RELN: variants seen among roughly 807,000 people sequenced by gnomAD.
RELN encodes the protein reelin.
In RELN, 108 loss-of-function variants were observed where a neutral mutation model predicts 427.6. That is an observed-to-expected ratio of 0.25 (90% confidence interval 0.22 to 0.30). The LOEUF (loss-of-function observed/expected upper bound fraction) is 0.30. Among genes scored for constraint, RELN ranks in the 10% least tolerant of loss-of-function variants. The pLI, the probability that RELN is intolerant of heterozygous loss-of-function variation, is 1.00. For synonymous variants in RELN, 1,524 were observed against 1,513.4 expected (o/e 1.01, Z -0.16); for missense variants, 3,715 against 4,302.8 (o/e 0.86, Z 3.82).
intron 2 of RELN, among the ~76,000 whole-genome samples, chr7:103,876,227 C>T (rs13241576): frequency 0.14 from 21,852 of 151,996 alleles, 1,887 homozygotes; most frequent in East Asian, 0.34. Flanking sequence ...TAAGATGAAA[C>T]GTTAGAATGT....
intron 1 of RELN, among the ~76,000 whole-genome samples, chr7:103,957,577 T>TGC (rs1311075122): frequency 6.6e-6 from 1 of 152,172 alleles, no homozygotes; most frequent in Non-Finnish European, 1.5e-5. Context: ...CACACGCACA[T>TGC]GCTCATAAAT....
At chr7:103,721,949 A>G (rs1790086589) in intron 8 of RELN, among the ~76,000 whole-genome samples, 1 of 152,192 alleles carries the variant, frequency 6.6e-6, no homozygotes, top group Non-Finnish European at 1.5e-5. Flanking sequence ...TGATTATAAA[A>G]ACATTACGTG....
chr7:103,896,703 C>T (rs1452696610), intron 2 of RELN, among the ~76,000 whole-genome samples: 1 of 151,930 alleles, frequency 6.6e-6, no homozygotes, highest in Non-Finnish European at 1.5e-5. Flanking sequence ...TAAATCTCAC[C>T]TCATATATCC....
rs1044685569 is a variant in RELN at position 103,473,955 on chromosome 7, G to A, written c.10287-1047C>T. ...TAAAATGTACATAATGTCATGTGAT[G>A]TGATTCCAACATAAAGATCAATATG... is the stretch of plus-strand genomic sequence containing the variant. On this transcript the variant is annotated intron_variant, in intron 64 of 64. Transcript: ENST00000428762. Among the ~76,000 whole-genome samples the A allele has an allele frequency of 3.9e-5, 6 of 152,180 alleles. 1 individual carries two copies. Among genetic ancestry groups the A allele is most frequent in the Admixed American group, 2.6e-4 (4 of 15,270 alleles).
At chr7:103,888,805 G>A (rs1380108431) in intron 2 of RELN, among the ~76,000 whole-genome samples, 1 of 152,124 alleles carries the variant, frequency 6.6e-6, no homozygotes, top group Non-Finnish European at 1.5e-5. Context: ...CCACTTGTCA[G>A]GAGGCTTAAA....
intron 1 of RELN, among the ~76,000 whole-genome samples, chr7:103,983,742 CCT>C: frequency 6.6e-6 from 1 of 152,132 alleles, no homozygotes; most frequent in Non-Finnish European, 1.5e-5. Flanking sequence ...GCCTAAACCA[CCT>C]CTCTCTGTCC....
At chr7:103,707,305 C>T (rs574810305) in intron 8 of RELN, among the ~76,000 whole-genome samples, 20 of 152,004 alleles carry the variant, frequency 1.3e-4, no homozygotes, top group African/African-American at 3.9e-4. Flanking sequence ...AAAAAAGAAA[C>T]TATGGAAAGG....
intron 1 of RELN, among the ~76,000 whole-genome samples, chr7:103,941,179 A>G (rs6965133): frequency 0.82 from 124,232 of 152,132 alleles, 51,363 homozygotes; most frequent in African/African-American, 0.93. Context: ...TTAGACTTCC[A>G]TAACTGTCAC....
intron 11 of RELN, among the ~76,000 whole-genome samples, chr7:103,666,881 C>T (rs1282671480): frequency 6.6e-6 from 1 of 152,084 alleles, no homozygotes; most frequent in Non-Finnish European, 1.5e-5. Flanking sequence ...AGGAGCTCTT[C>T]AGGGTCCCGT....
At chr7:103,740,777 C>T (rs921820175) in intron 6 of RELN, among the ~76,000 whole-genome samples, 1 of 152,196 alleles carries the variant, frequency 6.6e-6, no homozygotes, top group African/African-American at 2.4e-5. Flanking sequence ...TAAGATTGTA[C>T]AGACATAACT....
intron 19 of RELN, among the ~76,000 whole-genome samples, chr7:103,633,964 C>G (rs1056217844): frequency 6.6e-6 from 1 of 152,008 alleles, no homozygotes; most frequent in African/African-American, 2.4e-5. Flanking sequence ...AGGGAAAATA[C>G]CCAATACAGC....
chr7:103,519,449 A>C lies in RELN; in HGVS notation c.7736T>G (p.Phe2579Cys). ...LTNAEFIQFYFMYGCLITPNN... is the reference protein window; with the variant it reads ...LTNAEFIQFYCMYGCLITPNN... ...TGGTGTAATCAGGCACCCATACATG[A>C]AGTAAAATTGGATGAACTCAGCATT... The change falls in exon 49 of 65, where the codon TTC becomes TGC. Residue 2579 changes from phenylalanine to cysteine, a missense_variant. Physicochemically the swap from Phe to Cys is radical, Grantham distance 205. This residue lies in a region of RELN where 1,310 missense variants were observed against 1,643.0 expected (regional missense o/e 0.80). Coordinates refer to ENST00000428762, the MANE Select transcript of RELN (RefSeq NM_005045.4). 1.2e-6 allele frequency: 2 copies of C among 1,613,638 alleles called. No individual in the cohort carries two copies. Among genetic ancestry groups the C allele is most frequent in the Non-Finnish European group, 1.7e-6 (2 of 1,179,546 alleles).
chr7:103,699,979 C>T (rs1834056699), intron 9 of RELN, among the ~76,000 whole-genome samples: 1 of 151,968 alleles, frequency 6.6e-6, no homozygotes, highest in African/African-American at 2.4e-5. Context: ...ACCAAAGAAA[C>T]TTTAGACAAA....
At chr7:103,737,280 C>G (rs1028094998) in intron 6 of RELN, among the ~76,000 whole-genome samples, 1 of 152,202 alleles carries the variant, frequency 6.6e-6, no homozygotes, top group Admixed American at 6.5e-5. Flanking sequence ...ACCAGCACTG[C>G]CTTTCCGGCT....
chr7:103,842,002 A>G (rs1268148955), intron 2 of RELN, among the ~76,000 whole-genome samples: 3 of 152,138 alleles, frequency 2.0e-5, no homozygotes, highest in Admixed American at 6.6e-5. Flanking sequence ...CATTAAAATT[A>G]TGATTTTTTT....
intron 1 of RELN, among the ~76,000 whole-genome samples, chr7:103,936,839 T>C (rs1795998884): frequency 6.6e-6 from 1 of 152,184 alleles, no homozygotes; most frequent in Non-Finnish European, 1.5e-5. Flanking sequence ...ACTTTCCATG[T>C]GTTCACTCAG....
chr7:103,724,606 G>A (rs1460504281), intron 7 of RELN, among the ~76,000 whole-genome samples: 1 of 152,072 alleles, frequency 6.6e-6, no homozygotes, highest in African/African-American at 2.4e-5. Flanking sequence ...CTCTGCTAGC[G>A]AACAGCAAGT....
At chr7:103,582,878 A>G (rs1197426064) in intron 28 of RELN, among the ~76,000 whole-genome samples, 4 of 152,202 alleles carry the variant, frequency 2.6e-5, no homozygotes, top group African/African-American at 7.2e-5. Context: ...TTAACCTAGA[A>G]AAAGTTTATT....
intron 28 of RELN, among the ~76,000 whole-genome samples, chr7:103,586,191 G>C (rs1049877660): frequency 1.3e-5 from 2 of 151,826 alleles, no homozygotes; most frequent in Middle Eastern, 3.4e-3. Flanking sequence ...GTGAAATCCC[G>C]TTTCTACTAA....
Sources: allele counts gnomAD v4.1 joint callset (sites outside exome capture counted in the v4.1 genomes callset), GRCh38; gene constraint gnomAD v4.1.1; regional missense constraint gnomAD v4.1.1; transcripts MANE v1.5; gene names NCBI Gene and HGNC (gene_info 2026-07-23, HGNC 2026-07-21).